SKAP2: variants seen among roughly 807,000 people sequenced by gnomAD.
The protein encoded by SKAP2 is src kinase associated phosphoprotein 2.
Under a neutral mutation model 54.9 loss-of-function variants are expected in SKAP2, and 28 were observed. That is an observed-to-expected ratio of 0.51 (90% CI 0.38 to 0.70). The LOEUF (loss-of-function observed/expected upper bound fraction) is 0.70. Among genes scored for constraint, SKAP2 ranks in the 30% least tolerant of loss-of-function variants. SKAP2 has a pLI of 0.00. For synonymous variants in SKAP2, 137 were observed against 134.3 expected (o/e 1.02, Z -0.14); for missense variants, 356 against 424.1 (o/e 0.84, Z 1.41).
intron 4 of SKAP2, among the ~76,000 whole-genome samples, chr7:26,838,429 C>T (rs754361438): frequency 1.9e-4 from 29 of 152,204 alleles, no homozygotes; most frequent in Middle Eastern, 3.4e-3. Context: ...CTCTAGGGAA[C>T]GTCTAAGCAA....
intron 4 of SKAP2, among the ~76,000 whole-genome samples, chr7:26,809,554 T>A (rs1784096045): frequency 6.6e-6 from 1 of 152,092 alleles, no homozygotes; most frequent in South Asian, 2.1e-4. Context: ...CACAATGAGA[T>A]AACACCTCAC....
At chr7:26,707,718 A>G (rs2299103) in intron 9 of SKAP2, among the ~76,000 whole-genome samples, 2 of 152,126 alleles carry the variant, frequency 1.3e-5, no homozygotes, top group Non-Finnish European at 2.9e-5. Context: ...AGAAGCACAG[A>G]GATACAAATG....
At chr7:26,837,096 C>T (rs760359261) in intron 4 of SKAP2, among the ~76,000 whole-genome samples, 4 of 152,032 alleles carry the variant, frequency 2.6e-5, no homozygotes, top group Admixed American at 6.6e-5. Context: ...CAGAAAACCA[C>T]ACATTGCATG....
At chr7:26,752,812 G>C (rs115345668) in intron 4 of SKAP2, among the ~76,000 whole-genome samples, 1,624 of 152,180 alleles carry the variant, frequency 0.011, 29 homozygotes, top group African/African-American at 0.038. Context: ...TCAGCAACTG[G>C]CCTATAAAGC....
At chr7:26,857,247 A>C (rs1205152779) in intron 1 of SKAP2, among the ~76,000 whole-genome samples, 1 of 143,016 alleles carries the variant, frequency 7.0e-6, no homozygotes, top group East Asian at 2.1e-4. Flanking sequence ...TTATTTAATA[A>C]ACAGTGACTT....
At chr7:26,832,380 G>A (rs911527354) in intron 4 of SKAP2, among the ~76,000 whole-genome samples, 1 of 152,108 alleles carries the variant, frequency 6.6e-6, no homozygotes, top group Non-Finnish European at 1.5e-5. Context: ...CTGGTAGCCA[G>A]GGAGCTACTT....
In SKAP2 at chr7:26,756,887, T is replaced by C. The variant is rs182011624; in HGVS notation, c.308-16923A>G. On this transcript the variant is annotated intron_variant, in intron 4 of 12. Transcript: ENST00000345317. ...GATCACCATTCTAACTGGTGTGAGA[T>C]GGTATCTCATTGTGGTTTCGATTTG... 2.0e-3 allele frequency among the ~76,000 whole-genome samples: 306 copies of C among 152,350 alleles called. 2 individuals carry two copies. The highest frequency in any genetic ancestry group is 7.1e-3 in the African/African-American group (295 of 41,584).
chr7:26,684,980 C>T lies in SKAP2; in HGVS notation c.875-132G>A, dbSNP rs555845288. Reference sequence around the variant, plus strand: ...CTAAAAAAATTATGTCCTGAGTAAACGAATACTTTATTACATTCACATGAA... The same window carrying T: ...CTAAAAAAATTATGTCCTGAGTAAATGAATACTTTATTACATTCACATGAA... On this transcript the variant is annotated intron_variant, in intron 10 of 12. Transcript: ENST00000345317. 1.5e-5 allele frequency: 9 copies of T among 598,276 alleles called. No homozygotes were observed. The Admixed American group carries it at 2.2e-4, about 15-fold the overall frequency. The allele number at this position is 598,276 out of a possible 1,614,324, so 37.1% of individuals were successfully genotyped here.
chr7:26,765,265 A>C (rs10951147), intron 4 of SKAP2, among the ~76,000 whole-genome samples: 44,949 of 152,002 alleles, frequency 0.3, 6,909 homozygotes, highest in Non-Finnish European at 0.33. Context: ...TTTTTTGGCC[A>C]CATATATGTC....
intron 4 of SKAP2, among the ~76,000 whole-genome samples, chr7:26,834,566 C>T (rs1483887500): frequency 1.3e-5 from 2 of 152,144 alleles, no homozygotes; most frequent in East Asian, 1.9e-4. Flanking sequence ...ACTATAAACA[C>T]CTCTATGCAA....
At chr7:26,673,435 C>G (rs565810736) in intron 11 of SKAP2, among the ~76,000 whole-genome samples, 1 of 152,052 alleles carries the variant, frequency 6.6e-6, no homozygotes, top group African/African-American at 2.4e-5. Flanking sequence ...TATAAAGCTA[C>G]ATTATGCGGT....
At chr7:26,714,881 T>G (rs1486725196) in intron 9 of SKAP2, among the ~76,000 whole-genome samples, 1 of 152,224 alleles carries the variant, frequency 6.6e-6, no homozygotes, top group Non-Finnish European at 1.5e-5. Flanking sequence ...GGCTGTGATC[T>G]GTTTATATTC....
intron 4 of SKAP2, among the ~76,000 whole-genome samples, chr7:26,801,946 T>G (rs1783923826): frequency 6.6e-6 from 1 of 152,048 alleles, no homozygotes; most frequent in African/African-American, 2.4e-5. Flanking sequence ...ATCTACAGAT[T>G]CAATGCAATC....
At chr7:26,858,419 G>T (rs79899936) in intron 1 of SKAP2, among the ~76,000 whole-genome samples, 3,067 of 152,214 alleles carry the variant, frequency 0.02, 104 homozygotes, top group African/African-American at 0.07. Context: ...GGGGGAGAAG[G>T]CCTCTGAAAA....
At chr7:26,675,525 C>T (rs192683209) in intron 11 of SKAP2, among the ~76,000 whole-genome samples, 2 of 152,260 alleles carry the variant, frequency 1.3e-5, no homozygotes, top group Admixed American at 6.5e-5. Context: ...AGAGGAAGGA[C>T]TTACACTTAA....
At chr7:26,702,665 C>T (rs1787064419) in intron 9 of SKAP2, among the ~76,000 whole-genome samples, 1 of 152,106 alleles carries the variant, frequency 6.6e-6, no homozygotes, top group African/African-American at 2.4e-5. Flanking sequence ...CAGTCTTACT[C>T]CCTTGTGCTT....
intron 9 of SKAP2, among the ~76,000 whole-genome samples, chr7:26,693,707 C>T (rs1011685552): frequency 1.3e-5 from 2 of 152,148 alleles, no homozygotes; most frequent in African/African-American, 2.4e-5. Context: ...TCATTAAGGA[C>T]ACTTCCTTTT....
intron 4 of SKAP2, among the ~76,000 whole-genome samples, chr7:26,751,658 A>T (rs1365535793): frequency 6.6e-6 from 1 of 152,178 alleles, no homozygotes; most frequent in Non-Finnish European, 1.5e-5. Flanking sequence ...TCTCTTACAG[A>T]CACACACACC....
At chr7:26,774,513 G>A (rs1783260599) in intron 4 of SKAP2, among the ~76,000 whole-genome samples, 2 of 151,740 alleles carry the variant, frequency 1.3e-5, no homozygotes, top group Admixed American at 1.3e-4. Flanking sequence ...GTGTGTGTGT[G>A]TGTGTATGTA....
Sources: allele counts gnomAD v4.1 joint callset (sites outside exome capture counted in the v4.1 genomes callset), GRCh38; gene constraint gnomAD v4.1.1; transcripts MANE v1.5; gene names NCBI Gene and HGNC (gene_info 2026-07-23, HGNC 2026-07-21).